The following MCOLN3 variants were observed in gnomAD, a reference collection of about 807,000 sequenced individuals.
MCOLN3 encodes the protein mucolipin TRP cation channel 3.
MCOLN3 carries 62 observed loss-of-function variants against 69.4 expected under a neutral mutation model. The observed-to-expected ratio is 0.89, with a 90% CI of 0.73 to 1.10. The LOEUF is 1.10. Among genes scored for constraint, MCOLN3 ranks in the 50% least tolerant of loss-of-function variants. The pLI is 0.00. For missense variants in MCOLN3, 564 were observed against 656.4 expected (o/e 0.86, Z 1.54); for synonymous variants, 183 against 217.0 (o/e 0.84, Z 1.38).
Position 85,019,040 on chromosome 1 carries a change from C to A in MCOLN3, c.*83G>T. 1.5e-6 allele frequency: 2 copies of A among 1,366,050 alleles called. No individual in the cohort carries two copies. Among genetic ancestry groups the A allele is most frequent in the Non-Finnish European group, 2.0e-6 (2 of 984,922 alleles). The allele number at this position is 1,366,050 out of a possible 1,614,324, so 84.6% of individuals were successfully genotyped here. A position where few individuals can be genotyped will look rare whatever the true frequency, so the allele number is the denominator to read the frequency against. ...CTCAAAATAACAGTCTTCAAACATA[C>A]TACATCTGATCTCAGAATATCCACA... On this transcript the variant is annotated 3_prime_UTR_variant, in exon 13 of 13. Coordinates refer to ENST00000370589, the MANE Select transcript of MCOLN3 (RefSeq NM_018298.11).
Position 85,026,304 on chromosome 1 carries a change from C to T in MCOLN3, c.833-20G>A. 1 of 1,515,982 alleles carries T rather than the reference C, an allele frequency of 6.6e-7. No homozygotes were observed. Among genetic ancestry groups the T allele is most frequent in the Non-Finnish European group, 9.2e-7 (1 of 1,090,878 alleles). 93.9% of individuals were successfully genotyped at this position (1,515,982 alleles called of 1,614,324 possible). A position where few individuals can be genotyped will look rare whatever the true frequency, so the allele number is the denominator to read the frequency against. Reference sequence around the variant, plus strand: ...TCTGAACTGAAAGCAAAGAGGATTACATAGTGCTTATGTAGTGGGACATTA... The same window carrying T: ...TCTGAACTGAAAGCAAAGAGGATTATATAGTGCTTATGTAGTGGGACATTA... On this transcript the variant is annotated intron_variant, in intron 7 of 12. Coordinates refer to ENST00000370589, the MANE Select transcript of MCOLN3 (RefSeq NM_018298.11).
intron 4 of MCOLN3, 70 bp downstream of exon 4, chr1:85,034,028 T>G (rs1455735126): frequency 6.7e-7 from 1 of 1,502,266 alleles, no homozygotes; most frequent in African/African-American, 1.4e-5. Context: ...TTTTCAAAGA[T>G]GAAATTACTA....
intron 7 of MCOLN3, among the ~76,000 whole-genome samples, chr1:85,027,380 G>T (rs954642188): frequency 5.3e-5 from 8 of 152,218 alleles, no homozygotes; most frequent in African/African-American, 1.7e-4. Flanking sequence ...AGGTAAGCAT[G>T]ATTATCCCCA....
chr1:85,021,221 T>C lies in MCOLN3; in HGVS notation c.1376A>G (p.Asp459Gly). The change falls in exon 12 of 13, where the codon GAT (aspartate) becomes GGT (glycine). Residue 459 changes from aspartate (D) to glycine (G), a missense_variant. Physicochemically the swap from Asp to Gly is moderately conservative, Grantham distance 94. Transcript: ENST00000370589. ...CATTTTTGCAAACGTGGCAAACATA[T>C]CATCTCCATTTATCAGAGAGAAAAG... ...ECLFSLINGDDMFATFAKMQQ... is the reference protein window; with the variant it reads ...ECLFSLINGDGMFATFAKMQQ... 1 of 1,613,882 alleles carries C rather than the reference T, an allele frequency of 6.2e-7. No homozygotes were observed. Among genetic ancestry groups the C allele is most frequent in the East Asian group, 2.2e-5 (1 of 44,842 alleles).
chr1:85,026,325 C>T (rs1442184239), intron 7 of MCOLN3, 41 bp from the exon 8 acceptor site: 1 of 1,263,110 alleles, frequency 7.9e-7, no homozygotes. Flanking sequence ...TGTAGTGGGA[C>T]ATTAATATGG....
At chr1:85,041,803 G>C (rs1247311691) in intron 2 of MCOLN3, among the ~76,000 whole-genome samples, 1 of 146,270 alleles carries the variant, frequency 6.8e-6, no homozygotes, top group East Asian at 2.0e-4. Context: ...CCGGGAGGCA[G>C]AGGTTGCTAT....
intron 2 of MCOLN3, among the ~76,000 whole-genome samples, chr1:85,043,784 T>C (rs1177597482): frequency 6.6e-6 from 1 of 151,792 alleles, no homozygotes; most frequent in Non-Finnish European, 1.5e-5. Flanking sequence ...CAGGGTAATA[T>C]AATAGAGAGA....
At chr1:85,044,407 C>T (rs1056478998) in intron 2 of MCOLN3, among the ~76,000 whole-genome samples, 3 of 152,202 alleles carry the variant, frequency 2.0e-5, no homozygotes, top group African/African-American at 7.2e-5. Flanking sequence ...AAACCTATCA[C>T]ATCTATTTTT....
intron 3 of MCOLN3, among the ~76,000 whole-genome samples, chr1:85,037,287 CCCAGTAGA>C (rs1205363525): frequency 2.0e-5 from 3 of 152,098 alleles, no homozygotes; most frequent in Non-Finnish European, 4.4e-5. Context: ...ATTTAAGGTA[CCCAGTAGA>C]CCAGTGTGCC....
chr1:85,028,122 T>G (rs1166444040), intron 7 of MCOLN3, among the ~76,000 whole-genome samples: 1 of 152,188 alleles, frequency 6.6e-6, no homozygotes, highest in Non-Finnish European at 1.5e-5. Flanking sequence ...AGAATGATTA[T>G]AAAGTATACA....
rs200370373 is a variant in MCOLN3, at chr1:85,032,970, G to A, written c.551-14C>T. Reference sequence around the variant, plus strand: ...CAAAGAAACACTCTGCCATAGAAAGGAACAAAAACATGATACAGTACTTAA... The same window carrying A: ...CAAAGAAACACTCTGCCATAGAAAGAAACAAAAACATGATACAGTACTTAA... On this transcript the variant is annotated splice_polypyrimidine_tract_variant and intron_variant, in intron 4 of 12. Transcript: ENST00000370589. The A allele has an allele frequency of 6.9e-5, 111 of 1,611,346 alleles. No individual in the cohort carries two copies. Among genetic ancestry groups the A allele is most frequent in the South Asian group, 2.6e-4 (24 of 91,024 alleles).
Position 85,018,816 on chromosome 1 carries a change from G to A in MCOLN3, c.*307C>T. ...ACAGTCTGCACAATCAGAATAGCAGGAGCAACAGTATCAGAGCAAAAGAGA... is the reference window on the plus strand; with the variant it reads ...ACAGTCTGCACAATCAGAATAGCAGAAGCAACAGTATCAGAGCAAAAGAGA... On this transcript the variant is annotated 3_prime_UTR_variant, in exon 13 of 13. Coordinates refer to ENST00000370589, the MANE Select transcript of MCOLN3 (RefSeq NM_018298.11). 2.0e-5 allele frequency: 5 copies of A among 254,674 alleles called. 1 individual carries two copies. The South Asian group carries it at 2.8e-4, about 14-fold the overall frequency. 15.8% of individuals were successfully genotyped at this position (254,674 alleles called of 1,614,324 possible). A position where few individuals can be genotyped will look rare whatever the true frequency, so the allele number is the denominator to read the frequency against.
chr1:85,023,075 T>TTTC (rs1440403948), intron 9 of MCOLN3: 18 of 82,792 alleles, frequency 2.2e-4, no homozygotes, highest in Non-Finnish European at 3.3e-4. Context: ...ATTTTTATTC[T>TTTC]TTTTTTTTTT....
intron 3 of MCOLN3, among the ~76,000 whole-genome samples, chr1:85,040,245 C>T (rs1652995035): frequency 6.6e-6 from 1 of 152,114 alleles, no homozygotes; most frequent in Non-Finnish European, 1.5e-5. Context: ...TGTATTTTAT[C>T]CTAGCAGTTT....
intron 3 of MCOLN3, among the ~76,000 whole-genome samples, chr1:85,037,957 A>G (rs541207241): frequency 1.3e-5 from 2 of 152,332 alleles, no homozygotes; most frequent in South Asian, 4.1e-4. Context: ...ATAAAAACAC[A>G]TTAAATGTCC....
At chr1:85,036,513 T>A (rs113088926) in intron 3 of MCOLN3, among the ~76,000 whole-genome samples, 15 of 152,288 alleles carry the variant, frequency 9.8e-5, no homozygotes, top group African/African-American at 3.4e-4. Context: ...AATAAATATT[T>A]GAGTGAATAC....
chr1:85,030,851 C>T (rs1371303077), intron 6 of MCOLN3, among the ~76,000 whole-genome samples: 1 of 152,092 alleles, frequency 6.6e-6, no homozygotes, highest in Non-Finnish European at 1.5e-5. Flanking sequence ...AACAGTCAAC[C>T]TACAATTCTA....
intron 3 of MCOLN3, among the ~76,000 whole-genome samples, chr1:85,035,871 C>T (rs1480079633): frequency 9.8e-5 from 15 of 152,292 alleles, no homozygotes; most frequent in Admixed American, 5.2e-4. Context: ...AATACACCTG[C>T]TCAAGACTCT....
Position 85,047,956 on chromosome 1 carries a change from C to A in MCOLN3, c.-3+440G>T, listed in dbSNP as rs1291031633. 5.3e-5 allele frequency among the ~76,000 whole-genome samples: 8 copies of A among 152,328 alleles called. No homozygotes were observed. In the South Asian group the frequency reaches 1.2e-3, roughly 24 times the overall value. ...GAGCCCCCACTTCCAGCCGCCCCCA[C>A]CTCTAACAGGGGGACAGTCCGCCTT... is the stretch of plus-strand genomic sequence containing the variant. On this transcript the variant is annotated intron_variant, in intron 1 of 12. Coordinates refer to ENST00000370589, the MANE Select transcript of MCOLN3 (RefSeq NM_018298.11).
Sources: allele counts gnomAD v4.1 joint callset (sites outside exome capture counted in the v4.1 genomes callset), GRCh38; gene constraint gnomAD v4.1.1; transcripts MANE v1.5; gene names NCBI Gene and HGNC (gene_info 2026-07-23, HGNC 2026-07-21).